The following BICD2 variants were observed in gnomAD, a reference collection of about 807,000 sequenced individuals.
BICD2 encodes protein bicaudal D homolog 2.
BICD2 carries 25 observed loss-of-function variants against 72.9 expected under a neutral mutation model. The ratio of observed to expected loss-of-function variants is 0.34; its 90% CI spans 0.25 to 0.48. The LOEUF (loss-of-function observed/expected upper bound fraction) is 0.48, where lower values mean the gene tolerates loss of function less well. Ranked by LOEUF, BICD2 falls within the 20% of genes least tolerant of loss-of-function variation. The pLI, the probability that BICD2 is intolerant of heterozygous loss-of-function variation, is 0.99. For missense variants in BICD2, 894 were observed against 1,175.2 expected (o/e 0.76, Z 3.50); for synonymous variants, 501 against 516.1 (o/e 0.97, Z 0.40).
Position 92,720,327 on chromosome 9 carries a change from G to T in BICD2, c.1035C>A (p.Ile345=). 6.2e-7 allele frequency: 1 copy of T among 1,612,070 alleles called. No homozygotes were observed. Among genetic ancestry groups the T allele is most frequent in the South Asian group, 1.1e-5 (1 of 90,992 alleles). The change falls in exon 4 of 7, where the codon ATC becomes ATA. Residue 345 remains isoleucine (I), a synonymous_variant. Coordinates refer to ENST00000356884, the MANE Select transcript of BICD2 (RefSeq NM_001003800.2). This position sits in a 1 kb window ranked among gnomAD's most constrained non-coding sequence, Gnocchi z 5.4. ...DLLSELNISE[I]QKLKQQLMQM... ...GCATCAGCTGCTGCTTCAGCTTCTG[G>T]ATCTCAGAGATGTTGAGCTCACTGA...
In BICD2 at chr9:92,714,658, G is replaced by GA. The variant is rs887626761; in HGVS notation, c.*495dup. ...TAAACTACAACGTACTCCTTTCCAT[G>GA]AAACTATGCCAAGTGCAAAGCCATC... On this transcript the variant is annotated 3_prime_UTR_variant, in exon 7 of 7. Coordinates refer to ENST00000356884, the MANE Select transcript of BICD2 (RefSeq NM_001003800.2). The GA allele has an allele frequency of 6.2e-5, 61 of 987,334 alleles. 1 individual carries two copies. The Middle Eastern group carries it at 1.6e-3, about 25-fold the overall frequency. 61.2% of individuals were successfully genotyped at this position (987,334 alleles called of 1,614,324 possible). A position where few individuals can be genotyped will look rare whatever the true frequency, so the allele number is the denominator to read the frequency against.
rs201939232 is a variant in BICD2, at chr9:92,719,421, T to C, written c.1224A>G (p.Thr408=). 22 of 1,614,176 alleles carry C rather than the reference T, an allele frequency of 1.4e-5. 1 individual carries two copies. In the East Asian group the frequency reaches 4.5e-4, roughly 33 times the overall value. The change falls in exon 5 of 7, where the codon ACA becomes ACG. Residue 408 remains threonine, a synonymous_variant. Coordinates refer to ENST00000356884, the MANE Select transcript of BICD2 (RefSeq NM_001003800.2). The stretch of plus-strand genomic sequence containing the variant: ...CACGGTCCTTCTCGTTGTCCAGGGC[T>C]GTCTGCCGCTCCTTGCTGGCCTGCA... ...RRLQASKERQ[T]ALDNEKDRDS...
chr9:92,730,186 G>A (rs997553391), intron 1 of BICD2, among the ~76,000 whole-genome samples: 1 of 152,184 alleles, frequency 6.6e-6, no homozygotes, highest in Non-Finnish European at 1.5e-5. Context: ...CCAGCAGCCC[G>A]TCTCACTGGC....
intron 6 of BICD2, among the ~76,000 whole-genome samples, chr9:92,715,968 A>C (rs1201478675): frequency 6.6e-6 from 1 of 152,132 alleles, no homozygotes; most frequent in Non-Finnish European, 1.5e-5. Context: ...CACTGACCAG[A>C]GCCAAGGAAC....
At chr9:92,722,157 C>A (rs1476174877) in intron 3 of BICD2, among the ~76,000 whole-genome samples, 1 of 152,160 alleles carries the variant, frequency 6.6e-6, no homozygotes, top group East Asian at 1.9e-4. Context: ...GAGAAGGGAC[C>A]CTCCTTATTC....
chr9:92,741,334 C>A (rs1313121946), intron 1 of BICD2, among the ~76,000 whole-genome samples: 1 of 152,160 alleles, frequency 6.6e-6, no homozygotes, highest in African/African-American at 2.4e-5. Flanking sequence ...GAAGACCTTG[C>A]CCAGGAACAT....
At position 92,713,192 on chromosome 9, in the gene BICD2, C is replaced by T; in HGVS notation, c.*1962G>A. 1 of 467,648 alleles carries T rather than the reference C, an allele frequency of 2.1e-6. No individual in the cohort carries two copies. The highest frequency in any genetic ancestry group is 2.0e-5 in the African/African-American group (1 of 51,178). 29.0% of individuals were successfully genotyped at this position (467,648 alleles called of 1,614,324 possible). On this transcript the variant is annotated 3_prime_UTR_variant, in exon 7 of 7. Transcript: ENST00000356884. ...GCGTTTCCAGTGGGCTCCTGGCGAG[C>T]CTGGCAGCCAGGGAAGAAGGGTCTT...
chr9:92,712,593 C>G lies in BICD2; in HGVS notation c.*2561G>C, dbSNP rs1449271976. 6.6e-6 allele frequency: 1 copy of G among 152,546 alleles called. No homozygotes were observed. Among genetic ancestry groups the G allele is most frequent in the Non-Finnish European group, 1.5e-5 (1 of 68,018 alleles). The allele number at this position is 152,546 out of a possible 1,614,324, so 9.4% of individuals were successfully genotyped here. ...TTTATTGGTACAGTTGTATAAAATT[C>G]TGTTAATCAGTCATGCTTCACAACG... is the stretch of plus-strand genomic sequence containing the variant. On this transcript the variant is annotated 3_prime_UTR_variant, in exon 7 of 7. Transcript: ENST00000356884.
chr9:92,754,749 G>A (rs1324425800), intron 1 of BICD2, among the ~76,000 whole-genome samples: 5 of 152,206 alleles, frequency 3.3e-5, no homozygotes, highest in African/African-American at 1.2e-4. Flanking sequence ...AAGATTTCAT[G>A]TACACTTATC....
rs563881253 is a variant in BICD2 at position 92,719,115 on chromosome 9, G to A, written c.1530C>T (p.Ser510=). ...TGCCCTGTGTCTCGCCGGCGACGTC[G>A]CTCACCTTCTTTAGCTCCTTCTCCA... The part of the protein sequence containing the change: ...ARLEKELKKV[S]DVAGETQGSL... Residue 510 remains serine (S), a synonymous_variant, in exon 5 of 7, where the codon AGC becomes AGT. Transcript: ENST00000356884. 43 of 1,612,508 alleles carry A rather than the reference G, an allele frequency of 2.7e-5. 1 individual carries two copies. Among genetic ancestry groups the A allele is most frequent in the South Asian group, 1.9e-4 (17 of 91,086 alleles).
intron 1 of BICD2, among the ~76,000 whole-genome samples, chr9:92,757,270 C>T (rs553173556): frequency 3.6e-5 from 5 of 140,392 alleles, no homozygotes; most frequent in South Asian, 2.3e-4. Context: ...GCCAAGATCA[C>T]GCCACTGCAC....
intron 1 of BICD2, among the ~76,000 whole-genome samples, chr9:92,739,433 C>G (rs956034563): frequency 6.6e-6 from 1 of 152,194 alleles, no homozygotes; most frequent in Non-Finnish European, 1.5e-5. Context: ...CACTTGATTA[C>G]GGATTGTCAG....
intron 1 of BICD2, among the ~76,000 whole-genome samples, chr9:92,761,413 C>T (rs1854369746): frequency 6.6e-6 from 1 of 152,232 alleles, no homozygotes; most frequent in Non-Finnish European, 1.5e-5. Context: ...GTGCACCTCT[C>T]AGACAAGGAC....
chr9:92,734,615 C>T (rs949914300), intron 1 of BICD2, among the ~76,000 whole-genome samples: 2 of 151,616 alleles, frequency 1.3e-5, no homozygotes, highest in Non-Finnish European at 2.9e-5. Flanking sequence ...AGGCTGTTTG[C>T]CCCATCTTGT....
At chr9:92,758,061 G>A (rs1002997490) in intron 1 of BICD2, among the ~76,000 whole-genome samples, 15 of 151,434 alleles carry the variant, frequency 9.9e-5, no homozygotes, top group Admixed American at 5.3e-4. Context: ...AAAATTAGCC[G>A]GGCGTGGTGG....
intron 1 of BICD2, among the ~76,000 whole-genome samples, chr9:92,762,844 A>T (rs12685791): frequency 0.27 from 41,626 of 152,026 alleles, 6,840 homozygotes; most frequent in East Asian, 0.76. Flanking sequence ...GGGCTGCTTC[A>T]CTGTGTGCAG....
chr9:92,760,499 G>C (rs1044191673), intron 1 of BICD2, among the ~76,000 whole-genome samples: 5 of 152,216 alleles, frequency 3.3e-5, no homozygotes, highest in Admixed American at 6.5e-5. Flanking sequence ...ACCAGGGCTC[G>C]ATGTGGGAGT....
In BICD2 at chr9:92,714,535, G is replaced by A; in HGVS notation, c.*619C>T. ...AGCTGTGTCTGTGCCATGTGTGTCT[G>A]GCCAGCAGAATACAGGGGCTCAGGG... On this transcript the variant is annotated 3_prime_UTR_variant, in exon 7 of 7. Transcript: ENST00000356884. The A allele has an allele frequency of 1.0e-6, 1 of 985,542 alleles. No individual in the cohort carries two copies. The highest frequency in any genetic ancestry group is 1.2e-6 in the Non-Finnish European group (1 of 829,990). 61.0% of individuals were successfully genotyped at this position (985,542 alleles called of 1,614,324 possible).
chr9:92,759,862 A>C (rs1162296514), intron 1 of BICD2, among the ~76,000 whole-genome samples: 1 of 152,218 alleles, frequency 6.6e-6, no homozygotes, highest in African/African-American at 2.4e-5. Flanking sequence ...GGGATGCCCA[A>C]AACTGACAAA....
Sources: allele counts gnomAD v4.1 joint callset (sites outside exome capture counted in the v4.1 genomes callset), GRCh38; gene constraint gnomAD v4.1.1; non-coding constraint Gnocchi (gnomAD v3.1); transcripts MANE v1.5; gene names NCBI Gene and HGNC (gene_info 2026-07-23, HGNC 2026-07-21).